KCNK13: variants seen among roughly 807,000 people sequenced by gnomAD.
KCNK13 encodes potassium channel subfamily K member 13.
In KCNK13, 12 loss-of-function variants were observed where a neutral mutation model predicts 23.4. That is an observed-to-expected ratio of 0.51 (90% CI 0.33 to 0.83). KCNK13 has a LOEUF of 0.83. KCNK13 is among the 40% of genes least tolerant of loss of function. The probability of loss-of-function intolerance (pLI) is 0.02; values close to 1 mark genes in which losing one functional copy is unlikely to be tolerated. For missense variants in KCNK13, 463 were observed against 556.3 expected (o/e 0.83, Z 1.69); for synonymous variants, 231 against 229.5 (o/e 1.01, Z -0.06).
intron 1 of KCNK13, among the ~76,000 whole-genome samples, chr14:90,091,922 G>T (rs1013553543): frequency 6.8e-6 from 1 of 147,848 alleles, no homozygotes; most frequent in African/African-American, 2.5e-5. Flanking sequence ...TTGGGAAAGA[G>T]AACTCCTTTT....
At chr14:90,108,806 T>C (rs764773787) in intron 1 of KCNK13, among the ~76,000 whole-genome samples, 4 of 152,168 alleles carry the variant, frequency 2.6e-5, no homozygotes, top group Admixed American at 6.5e-5. Flanking sequence ...AAGCACAAAA[T>C]GTAAAACATT....
chr14:90,156,847 T>C (rs1451355350), intron 1 of KCNK13, among the ~76,000 whole-genome samples: 2 of 152,188 alleles, frequency 1.3e-5, no homozygotes, highest in Non-Finnish European at 2.9e-5. Context: ...CCTGCTCTCC[T>C]TCTGCAAGCT....
intron 1 of KCNK13, among the ~76,000 whole-genome samples, chr14:90,104,243 G>A (rs1315259349): frequency 6.6e-6 from 1 of 152,148 alleles, no homozygotes; most frequent in Non-Finnish European, 1.5e-5. Flanking sequence ...GTCCCTGAGT[G>A]CCTCCTCCTC....
intron 1 of KCNK13, among the ~76,000 whole-genome samples, chr14:90,106,515 C>A (rs1889545244): frequency 6.6e-6 from 1 of 151,798 alleles, no homozygotes; most frequent in Non-Finnish European, 1.5e-5. Flanking sequence ...GCAGAGCTTG[C>A]AGTGAGCTGA....
intron 1 of KCNK13, among the ~76,000 whole-genome samples, chr14:90,070,886 A>C (rs1889066700): frequency 6.6e-6 from 1 of 152,188 alleles, no homozygotes; most frequent in Admixed American, 6.5e-5. Flanking sequence ...TGAGAGGGCC[A>C]TACCTCTTCC....
chr14:90,063,128 A>T (rs948805139), intron 1 of KCNK13, among the ~76,000 whole-genome samples: 1 of 152,166 alleles, frequency 6.6e-6, no homozygotes, highest in Non-Finnish European at 1.5e-5. Context: ...GGCTGAATCA[A>T]TTCGTGTTAG....
At chr14:90,182,387 G>A (rs1330281479) in intron 1 of KCNK13, among the ~76,000 whole-genome samples, 1 of 152,148 alleles carries the variant, frequency 6.6e-6, no homozygotes, top group East Asian at 1.9e-4. Context: ...GGTGCACTGG[G>A]AGGCAGCCGT....
chr14:90,113,606 G>A (rs192194174), intron 1 of KCNK13, among the ~76,000 whole-genome samples: 1 of 152,256 alleles, frequency 6.6e-6, no homozygotes, highest in East Asian at 1.9e-4. Flanking sequence ...TTTGACCCAT[G>A]TGCCATGGTA....
intron 1 of KCNK13, among the ~76,000 whole-genome samples, chr14:90,181,246 C>T (rs1429988899): frequency 1.3e-5 from 2 of 152,136 alleles, no homozygotes; most frequent in Non-Finnish European, 2.9e-5. Flanking sequence ...CATCTTAGTC[C>T]ACATGGGCTG....
At chr14:90,114,949 T>C (rs1322897681) in intron 1 of KCNK13, among the ~76,000 whole-genome samples, 1 of 152,212 alleles carries the variant, frequency 6.6e-6, no homozygotes, top group African/African-American at 2.4e-5. Context: ...TCACTTTCTT[T>C]GCAGAGCAGA....
intron 1 of KCNK13, among the ~76,000 whole-genome samples, chr14:90,125,650 G>A (rs1313905284): frequency 6.6e-6 from 1 of 151,612 alleles, no homozygotes; most frequent in Non-Finnish European, 1.5e-5. Flanking sequence ...CAATGATGGA[G>A]TATGTCAAAG....
intron 1 of KCNK13, among the ~76,000 whole-genome samples, chr14:90,116,757 A>C (rs565853955): frequency 6.6e-6 from 1 of 152,364 alleles, no homozygotes; most frequent in East Asian, 1.9e-4. Flanking sequence ...ACAACTGCTC[A>C]GGAAATCCCC....
chr14:90,125,597 ACG>A (rs1206750977), intron 1 of KCNK13, among the ~76,000 whole-genome samples: 93 of 59,658 alleles, frequency 1.6e-3, no homozygotes, highest in Admixed American at 3.2e-3. Context: ...AAACACACAC[ACG>A]CACACACACA....
chr14:90,179,870 T>A (rs777596652), intron 1 of KCNK13, among the ~76,000 whole-genome samples: 1 of 152,234 alleles, frequency 6.6e-6, no homozygotes, highest in African/African-American at 2.4e-5. Flanking sequence ...ATGTTTTATA[T>A]GTTTTGGTAC....
chr14:90,140,242 G>T (rs1889989639), intron 1 of KCNK13, among the ~76,000 whole-genome samples: 1 of 152,114 alleles, frequency 6.6e-6, no homozygotes, highest in Non-Finnish European at 1.5e-5. Context: ...ATCATGCAAG[G>T]CTCCTTAAAT....
intron 1 of KCNK13, among the ~76,000 whole-genome samples, chr14:90,146,726 G>T (rs1890077671): frequency 6.6e-6 from 1 of 151,678 alleles, no homozygotes. Flanking sequence ...TTTCCAATCT[G>T]ACAATCAGTG....
intron 1 of KCNK13, among the ~76,000 whole-genome samples, chr14:90,086,877 G>A (rs1488486309): frequency 2.6e-5 from 4 of 151,744 alleles, no homozygotes; most frequent in Non-Finnish European, 5.9e-5. Context: ...ATATTTACTG[G>A]CATCCAACTA....
At chr14:90,143,276 C>T (rs1296338404) in intron 1 of KCNK13, among the ~76,000 whole-genome samples, 1 of 149,236 alleles carries the variant, frequency 6.7e-6, no homozygotes, top group Non-Finnish European at 1.5e-5. Flanking sequence ...AGCGTGATCT[C>T]GGCTGGCTGC....
intron 1 of KCNK13, among the ~76,000 whole-genome samples, chr14:90,101,302 T>G (rs887774286): frequency 6.6e-6 from 1 of 152,160 alleles, no homozygotes; most frequent in Admixed American, 6.5e-5. Flanking sequence ...TTCTCTGAAA[T>G]CTTGATCTGA....
Sources: allele counts gnomAD v4.1 joint callset (sites outside exome capture counted in the v4.1 genomes callset), GRCh38; gene constraint gnomAD v4.1.1; transcripts MANE v1.5; gene names NCBI Gene and HGNC (gene_info 2026-07-23, HGNC 2026-07-21).